Variants in HPSE2 observed in about 807,000 individuals in gnomAD.
HPSE2 encodes the protein inactive heparanase-2.
Under a neutral mutation model 60.5 loss-of-function variants are expected in HPSE2, and 38 were observed. That is an observed-to-expected ratio of 0.63 (90% CI 0.48 to 0.82). The LOEUF (loss-of-function observed/expected upper bound fraction) is 0.82. Ranked by LOEUF, HPSE2 falls within the 40% of genes least tolerant of loss-of-function variation. The probability of loss-of-function intolerance (pLI) is 0.00; values close to 1 mark genes in which losing one functional copy is unlikely to be tolerated. For synonymous variants in HPSE2, 295 were observed against 293.2 expected (o/e 1.01, Z -0.06); for missense variants, 713 against 740.4 (o/e 0.96, Z 0.43).
chr10:98,489,053 T>A (rs1419508990), intron 10 of HPSE2, among the ~76,000 whole-genome samples: 3 of 152,198 alleles, frequency 2.0e-5, no homozygotes, highest in Non-Finnish European at 4.4e-5. Context: ...GGTACTCCCC[T>A]TGATCAGTTC....
chr10:98,885,144 G>A (rs1953130210), intron 3 of HPSE2, among the ~76,000 whole-genome samples: 1 of 152,114 alleles, frequency 6.6e-6, no homozygotes, highest in African/African-American at 2.4e-5. Flanking sequence ...TGACTTTTAG[G>A]GGTTCAAGAC....
At chr10:98,528,415 G>T (rs1943033966) in intron 9 of HPSE2, among the ~76,000 whole-genome samples, 2 of 152,150 alleles carry the variant, frequency 1.3e-5, no homozygotes, top group African/African-American at 2.4e-5. Flanking sequence ...AAAAGCATAT[G>T]ATGTGAGTTT....
At chr10:99,190,651 T>G (rs1399526528) in intron 2 of HPSE2, among the ~76,000 whole-genome samples, 1 of 152,166 alleles carries the variant, frequency 6.6e-6, no homozygotes, top group Non-Finnish European at 1.5e-5. Context: ...CAGAGCAAGA[T>G]GGCCAAATAG....
intron 6 of HPSE2, among the ~76,000 whole-genome samples, chr10:98,660,094 T>C (rs1365257621): frequency 1.3e-5 from 2 of 152,154 alleles, no homozygotes; most frequent in Non-Finnish European, 2.9e-5. Flanking sequence ...TGGTTATTTG[T>C]TTGTTGTCTG....
intron 3 of HPSE2, among the ~76,000 whole-genome samples, chr10:98,792,331 G>C (rs187694401): frequency 1.5e-4 from 23 of 152,034 alleles, no homozygotes; most frequent in Admixed American, 8.5e-4. Flanking sequence ...TTGGACATAA[G>C]AAAGAGTGAA....
chr10:98,514,675 C>T (rs747462646), intron 9 of HPSE2, among the ~76,000 whole-genome samples: 110 of 113,836 alleles, frequency 9.7e-4, no homozygotes, highest in Non-Finnish European at 1.6e-3. Context: ...TCTGGATTTT[C>T]TTTCAGGAAA....
chr10:98,872,790 C>T (rs143733878), intron 3 of HPSE2, among the ~76,000 whole-genome samples: 52 of 152,204 alleles, frequency 3.4e-4, no homozygotes, highest in African/African-American at 1.1e-3. Context: ...CTTATCAATT[C>T]GGAGTACGAA....
intron 3 of HPSE2, among the ~76,000 whole-genome samples, chr10:98,805,983 T>C (rs1424946946): frequency 1.3e-5 from 2 of 152,146 alleles, no homozygotes; most frequent in Middle Eastern, 3.4e-3. Context: ...TTAGAGGAGA[T>C]AGGGAATAAG....
intron 9 of HPSE2, among the ~76,000 whole-genome samples, chr10:98,599,108 G>A (rs1274261392): frequency 6.6e-6 from 1 of 152,160 alleles, no homozygotes; most frequent in Non-Finnish European, 1.5e-5. Context: ...GTCTGCTGGA[G>A]CTTGGGGCCA....
At chr10:99,181,135 A>G in intron 2 of HPSE2, among the ~76,000 whole-genome samples, 1 of 151,750 alleles carries the variant, frequency 6.6e-6, no homozygotes, top group Non-Finnish European at 1.5e-5. Flanking sequence ...GCGGTGGCTC[A>G]CGCCTGTAAT....
intron 3 of HPSE2, among the ~76,000 whole-genome samples, chr10:99,102,309 G>A (rs970460371): frequency 1.3e-4 from 20 of 152,156 alleles, no homozygotes; most frequent in Admixed American, 4.6e-4. Context: ...TATCACCACC[G>A]ATCCCACAGA....
chr10:98,912,833 A>G (rs1397566365), intron 3 of HPSE2, among the ~76,000 whole-genome samples: 1 of 152,194 alleles, frequency 6.6e-6, no homozygotes, highest in Non-Finnish European at 1.5e-5. Flanking sequence ...TGGGTACAAA[A>G]AAAAAATAGT....
chr10:98,539,016 G>A (rs972182117), intron 9 of HPSE2, among the ~76,000 whole-genome samples: 10 of 152,144 alleles, frequency 6.6e-5, no homozygotes, highest in Admixed American at 5.2e-4. Context: ...TCCTAGCAGC[G>A]CCAAACAGAA....
chr10:99,236,092 T>C (rs1395383570), upstream of HPSE2, among the ~76,000 whole-genome samples: 4 of 151,080 alleles, frequency 2.6e-5, no homozygotes, highest in Non-Finnish European at 4.4e-5. Context: ...CCCGTGACTC[T>C]TGCCAAGAGA....
intron 3 of HPSE2, among the ~76,000 whole-genome samples, chr10:98,913,379 A>G (rs1238886937): frequency 6.6e-6 from 1 of 152,202 alleles, no homozygotes; most frequent in Non-Finnish European, 1.5e-5. Context: ...ATCTGCTTTA[A>G]TAGAACTGTT....
intron 8 of HPSE2, among the ~76,000 whole-genome samples, chr10:98,618,046 C>T (rs1310986723): frequency 1.3e-5 from 2 of 152,088 alleles, no homozygotes; most frequent in East Asian, 3.9e-4. Flanking sequence ...TCCCCTACTC[C>T]CCCCCGCCAC....
intron 3 of HPSE2, among the ~76,000 whole-genome samples, chr10:99,131,869 T>C (rs1206169206): frequency 1.3e-5 from 2 of 151,962 alleles, no homozygotes; most frequent in Admixed American, 6.6e-5. Context: ...CCCAGCACTT[T>C]GGGAGGCCGA....
At chr10:98,665,438 C>A (rs1027852486) in intron 6 of HPSE2, among the ~76,000 whole-genome samples, 2 of 152,092 alleles carry the variant, frequency 1.3e-5, no homozygotes, top group Non-Finnish European at 2.9e-5. Context: ...TACAGGGAGC[C>A]CCTGTGAGAG....
At chr10:99,085,892 C>T (rs1299181766) in intron 3 of HPSE2, among the ~76,000 whole-genome samples, 1 of 152,190 alleles carries the variant, frequency 6.6e-6, no homozygotes, top group African/African-American at 2.4e-5. Flanking sequence ...CTAAAATCCA[C>T]ATCAAGCACC....
Sources: gnomAD v4.1 joint callset for allele counts (sites outside exome capture counted in the v4.1 genomes callset) on GRCh38, gnomAD v4.1.1 for gene constraint, MANE v1.5 for transcripts, NCBI Gene and HGNC (gene_info 2026-07-23, HGNC 2026-07-21) for gene names.